KCNJ6: variants seen among roughly 807,000 people sequenced by gnomAD.
KCNJ6 encodes the protein potassium inwardly rectifying channel subfamily J member 6, also known as G protein-activated inward rectifier potassium channel 2.
Under a neutral mutation model 34.2 loss-of-function variants are expected in KCNJ6, and 9 were observed. That is an observed-to-expected ratio of 0.26 (90% CI 0.16 to 0.46). The LOEUF is 0.46. Among genes scored for constraint, KCNJ6 ranks in the 20% least tolerant of loss-of-function variants. The pLI is 1.00. For missense variants in KCNJ6, 236 were observed against 531.3 expected, an observed-to-expected ratio of 0.44 and a Z score of 5.46; for synonymous variants, 196 against 207.1, an observed-to-expected ratio of 0.95 and a Z score of 0.46.
At chr21:37,857,790 C>T (rs1282628956) in intron 1 of KCNJ6, among the ~76,000 whole-genome samples, 4 of 151,982 alleles carry the variant, frequency 2.6e-5, no homozygotes, top group Non-Finnish European at 4.4e-5. Flanking sequence ...GGAAGCTGAA[C>T]AATGACCTAG....
chr21:37,818,211 C>CGT (rs10539396), intron 2 of KCNJ6, among the ~76,000 whole-genome samples: 2,395 of 148,266 alleles, frequency 0.016, 33 homozygotes, highest in Admixed American at 0.034. Context: ...TGTGTGCGTG[C>CGT]GTGTGTGTGT....
chr21:37,732,085 C>T (rs1447626513), intron 2 of KCNJ6, among the ~76,000 whole-genome samples: 1 of 152,140 alleles, frequency 6.6e-6, no homozygotes, highest in African/African-American at 2.4e-5. Context: ...CCTAGTTTTC[C>T]AAACGAGGGA....
chr21:37,648,252 CTGT>C (rs2054414804), intron 3 of KCNJ6, among the ~76,000 whole-genome samples: 1 of 152,200 alleles, frequency 6.6e-6, no homozygotes, highest in Non-Finnish European at 1.5e-5. Flanking sequence ...CCAGGGAGCT[CTGT>C]CTACAGAGCT....
intron 3 of KCNJ6, among the ~76,000 whole-genome samples, chr21:37,667,186 T>TAAAAAAAAAAAAAA (rs1569441641): frequency 5.8e-4 from 50 of 86,846 alleles, no homozygotes; most frequent in Middle Eastern, 5.4e-3. Context: ...AAAAAAAAAT[T>TAAAAAAAAAAAAAA]AAATGAGGCA....
intron 2 of KCNJ6, among the ~76,000 whole-genome samples, chr21:37,781,314 G>A (rs1040255439): frequency 1.2e-4 from 18 of 152,194 alleles, no homozygotes; most frequent in African/African-American, 3.4e-4. Flanking sequence ...AGCATAATCC[G>A]AACTTTGGCA....
At chr21:37,722,032 C>A (rs1160464992) in intron 2 of KCNJ6, among the ~76,000 whole-genome samples, 1 of 152,164 alleles carries the variant, frequency 6.6e-6, no homozygotes, top group African/African-American at 2.4e-5. Context: ...TAATATGATT[C>A]TATACCTAAA....
intron 2 of KCNJ6, among the ~76,000 whole-genome samples, chr21:37,768,689 T>A (rs940748112): frequency 1.3e-5 from 2 of 152,186 alleles, no homozygotes; most frequent in Non-Finnish European, 2.9e-5. Context: ...GCTATCATTA[T>A]CTCCAATAAG....
intron 1 of KCNJ6, among the ~76,000 whole-genome samples, chr21:37,843,478 T>C (rs868426897): frequency 1.3e-5 from 2 of 152,224 alleles, no homozygotes; most frequent in Non-Finnish European, 1.5e-5. Context: ...AAACTCCTTA[T>C]GTCCTTCCCT....
In KCNJ6 at chr21:37,655,235, G is replaced by GAA. The variant is rs2054456967; in HGVS notation, c.947-29752_947-29751insTT. On this transcript the variant is annotated intron_variant, in intron 3 of 3. Coordinates refer to ENST00000609713, the MANE Select transcript of KCNJ6 (RefSeq NM_002240.5). ...TGTGTGTGTGTGTGTGAGAGAGAGA[G>GAA]AGAGAGAGAGAGAGAGAGAGAGAGA... 3.5e-3 allele frequency among the ~76,000 whole-genome samples: 9 copies of GAA among 2,550 alleles called. 1 individual carries two copies. The highest frequency in any genetic ancestry group is 7.8e-3 in the Non-Finnish European group (8 of 1,032). 1.7% of individuals were successfully genotyped at this position (2,550 alleles called of 152,430 possible).
At chr21:37,876,704 G>T (rs934376932) in intron 1 of KCNJ6, among the ~76,000 whole-genome samples, 48 of 150,610 alleles carry the variant, frequency 3.2e-4, no homozygotes, top group African/African-American at 1.1e-3. Flanking sequence ...GAACAAACAG[G>T]CTCACTATGA....
chr21:37,867,599 C>G (rs2055629489), intron 1 of KCNJ6, among the ~76,000 whole-genome samples: 1 of 152,068 alleles, frequency 6.6e-6, no homozygotes, highest in South Asian at 2.1e-4. Flanking sequence ...CTTCCAAAAA[C>G]AACAATTGAA....
At chr21:37,775,332 T>A (rs968571570) in intron 2 of KCNJ6, among the ~76,000 whole-genome samples, 1 of 152,264 alleles carries the variant, frequency 6.6e-6, no homozygotes, top group Non-Finnish European at 1.5e-5. Flanking sequence ...TTTCTTTTGC[T>A]GTGCAGAAGC....
intron 2 of KCNJ6, among the ~76,000 whole-genome samples, chr21:37,773,519 C>T (rs894983958): frequency 1.3e-5 from 2 of 152,172 alleles, no homozygotes; most frequent in African/African-American, 4.8e-5. Flanking sequence ...TCACCTCCCC[C>T]TTTCCTCCCC....
Position 37,805,939 on chromosome 21 carries a change from A to C in KCNJ6, c.25+34719T>G, listed in dbSNP as rs1011021105. 1.4e-4 allele frequency among the ~76,000 whole-genome samples: 21 copies of C among 152,322 alleles called. No homozygotes were observed. In the East Asian group the frequency reaches 3.1e-3, roughly 22 times the overall value. ...TGACCCTGTTGACATCTGAATTACA[A>C]ACTTCTGGCCTCCAGACCTGCAAGT... On this transcript the variant is annotated intron_variant, in intron 2 of 3. Transcript: ENST00000609713.
chr21:37,801,404 G>A (rs1484721445), intron 2 of KCNJ6, among the ~76,000 whole-genome samples: 1 of 152,156 alleles, frequency 6.6e-6, no homozygotes, highest in Non-Finnish European at 1.5e-5. Flanking sequence ...CTTCTGGGAC[G>A]CTTGGTTGTC....
chr21:37,898,587 G>GA (rs112946268), intron 1 of KCNJ6, among the ~76,000 whole-genome samples: 11,321 of 88,944 alleles, frequency 0.13, 494 homozygotes, highest in Non-Finnish European at 0.17. Context: ...CATCTCAAAA[G>GA]AAAAAAAAAA....
At chr21:37,679,840 A>C (rs2054582957) in intron 3 of KCNJ6, among the ~76,000 whole-genome samples, 1 of 152,210 alleles carries the variant, frequency 6.6e-6, no homozygotes. Flanking sequence ...TCGCCTTTCT[A>C]GACATGGTTG....
At chr21:37,818,223 T>C (rs796795635) in intron 2 of KCNJ6, among the ~76,000 whole-genome samples, 20 of 148,268 alleles carry the variant, frequency 1.3e-4, no homozygotes, top group Admixed American at 8.7e-4. Context: ...TGTGTGTGTG[T>C]GTGTGTGTGT....
chr21:37,744,573 A>G (rs143179185), intron 2 of KCNJ6, among the ~76,000 whole-genome samples: 65 of 152,338 alleles, frequency 4.3e-4, no homozygotes, highest in African/African-American at 1.5e-3. Context: ...CCCAAACACC[A>G]TCTTTCACTG....
Sources: gnomAD v4.1 joint callset for allele counts (sites outside exome capture counted in the v4.1 genomes callset) on GRCh38, gnomAD v4.1.1 for gene constraint, MANE v1.5 for transcripts, NCBI Gene and HGNC (gene_info 2026-07-23, HGNC 2026-07-21) for gene names.